The following DDOST variants were observed in gnomAD, a reference collection of about 807,000 sequenced individuals.
DDOST encodes dolichyl-diphosphooligosaccharide--protein glycosyltransferase non-catalytic subunit.
A neutral mutation model predicts 47.6 loss-of-function variants in DDOST; 25 were observed. The observed-to-expected ratio is 0.53, with a 90% CI of 0.38 to 0.73. The LOEUF (loss-of-function observed/expected upper bound fraction) is 0.73. DDOST is among the 30% of genes least tolerant of loss of function. DDOST has a pLI of 0.00. For missense variants in DDOST, 526 were observed against 573.9 expected (o/e 0.92, Z 0.85); for synonymous variants, 275 against 236.0 (o/e 1.17, Z -1.51).
intron 2 of DDOST, chr1:20,660,677 C>G (rs923799499): frequency 4.0e-6 from 2 of 502,780 alleles, no homozygotes; most frequent in African/African-American, 3.9e-5. Context: ...ACACTTGACT[C>G]CACAATCCTT....
intron 2 of DDOST, among the ~76,000 whole-genome samples, chr1:20,659,475 C>T (rs2053413058): frequency 6.6e-6 from 1 of 152,144 alleles, no homozygotes; most frequent in Non-Finnish European, 1.5e-5. Flanking sequence ...ACTGAAAAAA[C>T]TCCTCCAGGG....
chr1:20,661,369 G>T lies in DDOST; in HGVS notation c.-19C>A. On this transcript the variant is annotated 5_prime_UTR_variant, in exon 1 of 11. Coordinates refer to ENST00000602624, the MANE Select transcript of DDOST (RefSeq NM_005216.5). ...GCTCCATCTTCCTCCTCCTGCCGAA[G>T]GACCCAGCACGTGCACACCGGAAGT... The T allele has an allele frequency of 6.2e-7, 1 of 1,612,550 alleles. No homozygotes were observed. Among genetic ancestry groups the T allele is most frequent in the East Asian group, 2.2e-5 (1 of 44,836 alleles).
At position 20,651,801 on chromosome 1, in the gene DDOST, T is replaced by TTTTTTTTTTTTTTTTA; in HGVS notation, c.*577_*578insTAAAAAAAAAAAAAAA. ...GTTTGAGGGCAACATCTCGCTTTAT[T>TTTTTTTTTTTTTTTTA]TTTATTTATTTATTTATTTATTTAT... On this transcript the variant is annotated 3_prime_UTR_variant, in exon 11 of 11. Coordinates refer to ENST00000602624, the MANE Select transcript of DDOST (RefSeq NM_005216.5). 1 of 147,210 alleles carries TTTTTTTTTTTTTTTTA rather than the reference T, an allele frequency of 6.8e-6. No homozygotes were observed. The highest frequency in any genetic ancestry group is 1.5e-5 in the Non-Finnish European group (1 of 67,130). 9.1% of individuals were successfully genotyped at this position (147,210 alleles called of 1,614,324 possible).
intron 2 of DDOST, among the ~76,000 whole-genome samples, 164 bp from the exon 3 acceptor site, chr1:20,656,351 C>T (rs1026441596): frequency 6.6e-6 from 1 of 152,220 alleles, no homozygotes; most frequent in African/African-American, 2.4e-5. Context: ...CATCCCAGAA[C>T]GGGCAAGGCC....
In DDOST at chr1:20,661,268, G is replaced by A. The variant is rs528257664; in HGVS notation, c.83C>T (p.Pro28Leu). Reference protein sequence around the residue: ...PLLGAVCASGPRTLVLLDNLN... With the variant: ...PLLGAVCASGLRTLVLLDNLN... ...GTTGTCCAGCAGCACTAAGGTGCGG[G>A]GTCCGCTGGCGCAAACCGCGCCAAG... Residue 28 changes from proline to leucine, a missense_variant, in exon 1 of 11, where the codon CCC becomes CTC. By Grantham distance (98) the Pro-to-Leu change is moderately conservative. Transcript: ENST00000602624. 98 of 1,614,024 alleles carry A rather than the reference G, an allele frequency of 6.1e-5. 1 individual carries two copies. The Middle Eastern group carries it at 8.3e-4, about 14-fold the overall frequency.
intron 2 of DDOST, among the ~76,000 whole-genome samples, chr1:20,658,354 T>C (rs551574898): frequency 1.3e-5 from 2 of 152,170 alleles, no homozygotes; most frequent in South Asian, 2.1e-4. Flanking sequence ...ACAGTGACAG[T>C]AGTCATGGGA....
At chr1:20,654,474 C>A in intron 6 of DDOST, 103 bp from the exon 7 acceptor site, 2 of 1,445,018 alleles carry the variant, frequency 1.4e-6, no homozygotes, top group Non-Finnish European at 9.5e-7. Context: ...ACGACCCTGG[C>A]CCTACCTGAA....
chr1:20,652,423 T>C lies in DDOST; in HGVS notation c.1276A>G (p.Ser426Gly). ...TCCTTCATGTGCAAGAAGACGATGC[T>C]GAAGATGAAGAGCCCCAGCATCATG... ...FSMMLGLFIF[S>G]IVFLHMKEKE... Residue 426 changes from serine (S) to glycine (G), a missense_variant, in exon 11 of 11, where the codon AGC becomes GGC. Transcript: ENST00000602624. The C allele has an allele frequency of 6.2e-7, 1 of 1,613,886 alleles. No homozygotes were observed. The highest frequency in any genetic ancestry group is 8.5e-7 in the Non-Finnish European group (1 of 1,179,948).
At chr1:20,655,819 G>A (rs780152653) in intron 3 of DDOST, 40 bp from the exon 4 acceptor site, 1 of 1,551,872 alleles carries the variant, frequency 6.4e-7, no homozygotes, top group East Asian at 2.2e-5. Context: ...GCCCTTACAG[G>A]GGGGCCTTGG....
intron 5 of DDOST, 74 bp downstream of exon 5, chr1:20,655,366 T>TAAAAA: frequency 8.1e-7 from 1 of 1,227,562 alleles, no homozygotes; most frequent in South Asian, 1.3e-5. Flanking sequence ...AATTTTGCCT[T>TAAAAA]GATTTCCCAA....
intron 8 of DDOST, chr1:20,653,212 G>C (rs1377427427): frequency 6.9e-6 from 4 of 578,594 alleles, no homozygotes; most frequent in East Asian, 2.9e-5. Context: ...CCTTCACACA[G>C]TATTCATGGC....
In DDOST at chr1:20,652,926, G is replaced by T; in HGVS notation, c.988C>A (p.Pro330Thr). 6.2e-7 allele frequency: 1 copy of T among 1,614,132 alleles called. No homozygotes were observed. Among genetic ancestry groups the T allele is most frequent in the Non-Finnish European group, 8.5e-7 (1 of 1,180,024 alleles). ...AGCTGAATGTCATCGCCATCAAAGG[G>T]GACCCATTTGCCATTTGAGAGCTGC... ...IQQLSNGKWV[P>T]FDGDDIQLEF... The change falls in exon 9 of 11, where the codon CCC becomes ACC. Residue 330 changes from proline to threonine, a missense_variant. Pro to Thr is a conservative substitution (Grantham distance 38). Coordinates refer to ENST00000602624, the MANE Select transcript of DDOST (RefSeq NM_005216.5).
In DDOST at chr1:20,652,682, A is replaced by G. The variant is rs2053308831; in HGVS notation, c.1109T>C (p.Val370Ala). 2.5e-6 allele frequency: 4 copies of G among 1,614,220 alleles called. No homozygotes were observed. In the East Asian group the frequency reaches 8.9e-5, roughly 36 times the overall value. ...VQFKLPDVYG[V>A]FQFKVDYNRL... ...GTTGTAATCCACTTTAAACTGGAATACACCATACACGTCGGGCAACTTGAA... is the reference window on the plus strand; with the variant it reads ...GTTGTAATCCACTTTAAACTGGAATGCACCATACACGTCGGGCAACTTGAA... The change falls in exon 10 of 11, where the codon GTA becomes GCA. Residue 370 changes from valine (V) to alanine (A), a missense_variant. Transcript: ENST00000602624.
At chr1:20,654,075 A>C in intron 7 of DDOST, 148 bp downstream of exon 7, 1 of 1,020,652 alleles carries the variant, frequency 9.8e-7, no homozygotes, top group Non-Finnish European at 1.4e-6. Context: ...CAATATAGCA[A>C]TAAAGCCCTG....
chr1:20,658,980 CCAGTAGCTGGGACTACAGGCATG>C (rs1452193781), intron 2 of DDOST, among the ~76,000 whole-genome samples: 2 of 151,558 alleles, frequency 1.3e-5, no homozygotes, highest in Non-Finnish European at 2.9e-5. Context: ...CTCAGCTTCC[CCAGTAGCTGGGACTACAGGCATG>C]CACCACCACG....
intron 4 of DDOST, 30 bp from the exon 5 acceptor site, chr1:20,655,564 T>C (rs1483394168): frequency 6.2e-7 from 1 of 1,608,624 alleles, no homozygotes; most frequent in Admixed American, 1.7e-5. Context: ...AGGTGGGTGG[T>C]CAGGAAAAGG....
intron 9 of DDOST, 51 bp downstream of exon 9, chr1:20,652,800 T>C (rs761918335): frequency 5.7e-6 from 9 of 1,573,538 alleles, no homozygotes; most frequent in Non-Finnish European, 7.8e-6. Flanking sequence ...CGAGAGCAAG[T>C]GAGGCCTGGG....
At position 20,661,291 on chromosome 1, in the gene DDOST, AAGCAAGGGCAGC is replaced by A. The variant is rs1184493866; in HGVS notation, c.48_59del (p.Leu17_Leu20del). ...GGGGTCCGCTGGCGCAAACCGCGCCAAGCAAGGGCAGCAGCAACCAAAAGAGGGCCCAAGCCC... is the reference window on the plus strand; with the variant it reads ...GGGGTCCGCTGGCGCAAACCGCGCCAAGCAACCAAAAGAGGGCCCAAGCCC... On this transcript the variant is annotated inframe_deletion, in exon 1 of 11. Coordinates refer to ENST00000602624, the MANE Select transcript of DDOST (RefSeq NM_005216.5). The A allele has an allele frequency of 6.2e-7, 1 of 1,613,738 alleles. No homozygotes were observed. The highest frequency in any genetic ancestry group is 1.3e-5 in the African/African-American group (1 of 74,942).
At position 20,656,235 on chromosome 1, in the gene DDOST, C is replaced by G. The variant is rs767408249; in HGVS notation, c.266-48G>C. On this transcript the variant is annotated intron_variant, in intron 2 of 10. Transcript: ENST00000602624. Reference sequence around the variant, plus strand: ...GTGACCCAGAGGTCTCCTCTCCCTGCTCCTCTGACACTGGCAGGGAGGGGA... The same window carrying G: ...GTGACCCAGAGGTCTCCTCTCCCTGGTCCTCTGACACTGGCAGGGAGGGGA... 7 of 1,452,110 alleles carry G rather than the reference C, an allele frequency of 4.8e-6. No homozygotes were observed. In the East Asian group the frequency reaches 1.6e-4, roughly 33 times the overall value. The allele number at this position is 1,452,110 out of a possible 1,614,324, so 90.0% of individuals were successfully genotyped here.
Sources: allele counts gnomAD v4.1 joint callset (sites outside exome capture counted in the v4.1 genomes callset), GRCh38; gene constraint gnomAD v4.1.1; transcripts MANE v1.5; gene names NCBI Gene and HGNC (gene_info 2026-07-23, HGNC 2026-07-21).